ZNF706: variants seen among roughly 807,000 people sequenced by gnomAD.
ZNF706 encodes the protein zinc finger protein 706.
In ZNF706, 4 loss-of-function variants were observed where a neutral mutation model predicts 9.2. The ratio of observed to expected loss-of-function variants is 0.43; its 90% confidence interval spans 0.21 to 0.99. ZNF706 has a LOEUF of 0.99. ZNF706 is among the 50% of genes least tolerant of loss of function. ZNF706 has a pLI of 0.26. For synonymous variants in ZNF706, 28 were observed against 27.3 expected, an observed-to-expected ratio of 1.03 and a Z score of -0.08; for missense variants, 27 against 87.8, an observed-to-expected ratio of 0.31 and a Z score of 2.77.
intron 1 of ZNF706, chr8:101,202,342 C>T (rs1042639172): frequency 6.7e-6 from 1 of 149,306 alleles, no homozygotes; most frequent in Non-Finnish European, 1.5e-5. Context: ...CCTGTAATTC[C>T]AGCTACTTGG....
chr8:101,204,613 A>G, intron 1 of ZNF706: 1 of 985,454 alleles, frequency 1.0e-6, no homozygotes, highest in Non-Finnish European at 1.2e-6. Context: ...ATTAAATGCG[A>G]CAAACTGGAG....
chr8:101,200,184 T>C (rs1810508600), intron 2 of ZNF706, 87 bp from the exon 3 acceptor site: 7 of 1,063,468 alleles, frequency 6.6e-6, no homozygotes, highest in South Asian at 1.4e-5. Flanking sequence ...CTTCTCAGTA[T>C]AGACAATTAT....
In ZNF706 at chr8:101,197,433, C is replaced by T. The variant is rs1157294205; in HGVS notation, c.*1819G>A. 6.6e-6 allele frequency: 1 copy of T among 151,764 alleles called. No individual in the cohort carries two copies. Among genetic ancestry groups the T allele is most frequent in the Non-Finnish European group, 1.5e-5 (1 of 67,992 alleles). The allele number at this position is 151,764 out of a possible 1,614,324, so 9.4% of individuals were successfully genotyped here. ...GATCAATGCAGCTATTTCCCTATCA[C>T]TGAGATATAGTGTTAAATATGGTGT... On this transcript the variant is annotated 3_prime_UTR_variant, in exon 4 of 4. Coordinates refer to ENST00000311212, the MANE Select transcript of ZNF706 (RefSeq NM_016096.5).
At chr8:101,204,052 C>T (rs551829529) in intron 1 of ZNF706, 2 of 152,334 alleles carry the variant, frequency 1.3e-5, no homozygotes, top group Non-Finnish European at 2.9e-5. Flanking sequence ...CACATCTTAA[C>T]TCTTCGACAC....
intron 3 of ZNF706, among the ~76,000 whole-genome samples, 169 bp downstream of exon 3, chr8:101,199,821 T>C (rs1810494526): frequency 6.6e-6 from 1 of 152,108 alleles, no homozygotes; most frequent in Non-Finnish European, 1.5e-5. Context: ...TCAAAGGCAT[T>C]GAAAGGAAAT....
rs1173789464 is a variant in ZNF706 at position 101,205,218 on chromosome 8, C to T, written c.-3+217G>A. The T allele has an allele frequency of 6.6e-6, 1 of 152,368 alleles. No homozygotes were observed. Among genetic ancestry groups the T allele is most frequent in the Non-Finnish European group, 1.5e-5 (1 of 68,218 alleles). 9.4% of individuals were successfully genotyped at this position (152,368 alleles called of 1,614,324 possible). On this transcript the variant is annotated intron_variant, in intron 1 of 3. Coordinates refer to ENST00000311212, the MANE Select transcript of ZNF706 (RefSeq NM_016096.5). This position sits in a 1 kb window ranked among gnomAD's most constrained non-coding sequence, Gnocchi z 6.6. ...CGCCGGGGGTAAGGTTACCGCTCCG[C>T]TTCCGCGGCTGGCCTGCGACCCGGC...
In ZNF706 at chr8:101,200,091, T is replaced by C. The variant is rs1810504131; in HGVS notation, c.142A>G (p.Met48Val). The C allele has an allele frequency of 6.2e-7, 1 of 1,612,260 alleles. No individual in the cohort carries two copies. Among genetic ancestry groups the C allele is most frequent in the Admixed American group, 1.7e-5 (1 of 59,994 alleles). Residue 48 changes from methionine to valine, a missense_variant, in exon 3 of 4, where the codon ATG becomes GTG. Transcript: ENST00000311212. ...IYTCTVCRTQ[M>V]PDPKTFKQHF... is the part of the protein sequence containing the mutation. ...TGCTTGAAGGTCTTAGGGTCTGGCA[T>C]TTGTGTCTAACAAAAAATTGTGCAA...
In ZNF706 at chr8:101,201,316, C is replaced by A; in HGVS notation, c.135+291G>T. The A allele has an allele frequency of 6.0e-6, 2 of 332,886 alleles. No homozygotes were observed. The highest frequency in any genetic ancestry group is 4.9e-5 in the South Asian group (1 of 20,494). The allele number at this position is 332,886 out of a possible 1,614,324, so 20.6% of individuals were successfully genotyped here. A position where few individuals can be genotyped will look rare whatever the true frequency, so the allele number is the denominator to read the frequency against. ...TAAGAGTGTAGAGTTATATGATGTG[C>A]TAGTGAAGTGTATTATATGCCCTTA... On this transcript the variant is annotated intron_variant, in intron 2 of 3. Transcript: ENST00000311212. This position sits in a 1 kb window ranked among gnomAD's most constrained non-coding sequence, Gnocchi z 4.5.
chr8:101,198,961 T>C lies in ZNF706; in HGVS notation c.*291A>G, dbSNP rs776712415. Reference sequence around the variant, plus strand: ...TGTCGTAAATCAAAGTACTATTTTATTAAATGAGTTATTTTACACAATATG... The same window carrying C: ...TGTCGTAAATCAAAGTACTATTTTACTAAATGAGTTATTTTACACAATATG... On this transcript the variant is annotated 3_prime_UTR_variant, in exon 4 of 4. Transcript: ENST00000311212. 1 of 357,336 alleles carries C rather than the reference T, an allele frequency of 2.8e-6. No homozygotes were observed. The highest frequency in any genetic ancestry group is 5.0e-6 in the Non-Finnish European group (1 of 200,238). 22.1% of individuals were successfully genotyped at this position (357,336 alleles called of 1,614,324 possible).
At position 101,201,549 on chromosome 8, in the gene ZNF706, C is replaced by G. The variant is rs113483790; in HGVS notation, c.135+58G>C. On this transcript the variant is annotated intron_variant, in intron 2 of 3. Coordinates refer to ENST00000311212, the MANE Select transcript of ZNF706 (RefSeq NM_016096.5). The surrounding 1 kb of genome is among the most constrained non-coding windows in gnomAD (Gnocchi z 4.5). ...TTTGCCATGGTTTCAAAATTTTAAT[C>G]TATTCAAGCCAAAACTGCCCACGGG... 1.1e-5 allele frequency: 17 copies of G among 1,508,936 alleles called. 1 individual carries two copies. The African/African-American group carries it at 1.4e-4, about 13-fold the overall frequency. The allele number at this position is 1,508,936 out of a possible 1,614,324, so 93.5% of individuals were successfully genotyped here.
chr8:101,200,958 G>T, intron 2 of ZNF706: 1 of 252,106 alleles, frequency 4.0e-6, no homozygotes, highest in Non-Finnish European at 8.2e-6. Context: ...TAACCAGCTG[G>T]GAGACCCCAC....
chr8:101,202,889 A>G (rs1810614504), intron 1 of ZNF706: 1 of 152,096 alleles, frequency 6.6e-6, no homozygotes, highest in Admixed American at 6.5e-5. Context: ...GCTGTCTGTT[A>G]CTCCTTCTAA....
chr8:101,202,939 A>C (rs1810616399), intron 1 of ZNF706: 1 of 152,200 alleles, frequency 6.6e-6, no homozygotes, highest in Admixed American at 6.5e-5. Flanking sequence ...TTTCTTACTT[A>C]GTTTTCATAA....
At chr8:101,204,515 CA>C (rs1810680434) in intron 1 of ZNF706, 1 of 612,118 alleles carries the variant, frequency 1.6e-6, no homozygotes, top group African/African-American at 2.0e-5. Context: ...ACGAACCAAC[CA>C]CCTGCTTTTG....
At chr8:101,200,272 G>A (rs1308556409) in intron 2 of ZNF706, 175 bp from the exon 3 acceptor site, 38 of 528,008 alleles carry the variant, frequency 7.2e-5, no homozygotes, top group Admixed American at 3.5e-4. Context: ...AATTCCTAAC[G>A]TTCCCACATT....
In ZNF706 at chr8:101,198,861, T is replaced by C. The variant is rs775588897; in HGVS notation, c.*391A>G. ...GAATTGCACTTGCAATTCTAGCTGA[T>C]GAATTCATTAGATTTTTATAAGGCA... is the stretch of plus-strand genomic sequence containing the variant. On this transcript the variant is annotated 3_prime_UTR_variant, in exon 4 of 4. Transcript: ENST00000311212. 3.3e-5 allele frequency: 6 copies of C among 181,678 alleles called. No homozygotes were observed. The highest frequency in any genetic ancestry group is 5.7e-5 in the Non-Finnish European group (5 of 87,680). The allele number at this position is 181,678 out of a possible 1,614,324, so 11.3% of individuals were successfully genotyped here. A position where few individuals can be genotyped will look rare whatever the true frequency, so the allele number is the denominator to read the frequency against.
intron 3 of ZNF706, among the ~76,000 whole-genome samples, chr8:101,199,561 A>T (rs956476616): frequency 2.6e-5 from 4 of 152,178 alleles, no homozygotes; most frequent in African/African-American, 9.7e-5. Context: ...ATATTTTAAT[A>T]CTCAGAAGCT....
chr8:101,205,327 C>T lies in ZNF706; in HGVS notation c.-3+108G>A, dbSNP rs1810718304. 6.6e-6 allele frequency: 1 copy of T among 151,422 alleles called. No homozygotes were observed. Among genetic ancestry groups the T allele is most frequent in the South Asian group, 2.1e-4 (1 of 4,828 alleles). The allele number at this position is 151,422 out of a possible 1,614,324, so 9.4% of individuals were successfully genotyped here. On this transcript the variant is annotated intron_variant, in intron 1 of 3. Transcript: ENST00000311212. This position sits in a 1 kb window ranked among gnomAD's most constrained non-coding sequence, Gnocchi z 6.6. ...CGGGCCCTGCCGCCCCCCGCGACCC[C>T]TCGCGACCCGCGGCGAGTCCCACGG...
chr8:101,199,877 G>T, intron 3 of ZNF706, 113 bp downstream of exon 3: 1 of 710,064 alleles, frequency 1.4e-6, no homozygotes. Flanking sequence ...ACTTAAAAAG[G>T]GGAAGCAATA....
Sources: allele counts gnomAD v4.1 joint callset (sites outside exome capture counted in the v4.1 genomes callset), GRCh38; gene constraint gnomAD v4.1.1; non-coding constraint Gnocchi (gnomAD v3.1); transcripts MANE v1.5; gene names NCBI Gene and HGNC (gene_info 2026-07-23, HGNC 2026-07-21).